Variants in ATP8A2 observed in about 807,000 individuals in gnomAD.
ATP8A2 encodes the protein ATPase phospholipid transporting 8A2, also known as phospholipid-transporting ATPase IB.
In ATP8A2, 100 loss-of-function variants were observed where a neutral mutation model predicts 165.6. The ratio of observed to expected loss-of-function variants is 0.60; its 90% CI spans 0.51 to 0.71. The LOEUF (loss-of-function observed/expected upper bound fraction) is 0.71. Ranked by LOEUF, ATP8A2 falls within the 30% of genes least tolerant of loss-of-function variation. The pLI is 0.00. For missense variants in ATP8A2, 1,227 were observed against 1,479.5 expected, an observed-to-expected ratio of 0.83 and a Z score of 2.80; for synonymous variants, 543 against 548.8, an observed-to-expected ratio of 0.99 and a Z score of 0.15.
chr13:25,812,966 A>C (rs1950915733), intron 27 of ATP8A2, among the ~76,000 whole-genome samples: 1 of 152,134 alleles, frequency 6.6e-6, no homozygotes, highest in African/African-American at 2.4e-5. Context: ...ACCCTCAGCA[A>C]ACTAACGCAG....
chr13:25,629,745 G>C (rs1161939034), intron 24 of ATP8A2, among the ~76,000 whole-genome samples: 1 of 152,138 alleles, frequency 6.6e-6, no homozygotes, highest in East Asian at 1.9e-4. Flanking sequence ...TACTGTGTTA[G>C]ATCAGCGTCG....
At chr13:25,521,064 T>C (rs1316269553) in intron 2 of ATP8A2, among the ~76,000 whole-genome samples, 2 of 152,224 alleles carry the variant, frequency 1.3e-5, no homozygotes, top group East Asian at 1.9e-4. Context: ...CCATTTACAC[T>C]GCAGTGAGAT....
chr13:25,608,024 A>G (rs2040562884), intron 24 of ATP8A2, among the ~76,000 whole-genome samples: 1 of 152,228 alleles, frequency 6.6e-6, no homozygotes, highest in African/African-American at 2.4e-5. Flanking sequence ...TCAGAGTAGG[A>G]CAAAGGAGAA....
rs562422753 is a variant in ATP8A2 at position 25,383,294 on chromosome 13, G to A, written c.76+11006G>A. 3.4e-3 allele frequency among the ~76,000 whole-genome samples: 509 copies of A among 151,180 alleles called. 3 individuals are homozygous for A. The highest frequency in any genetic ancestry group is 4.9e-3 in the Non-Finnish European group (330 of 67,638). On this transcript the variant is annotated intron_variant, in intron 1 of 36. Coordinates refer to ENST00000381655, the MANE Select transcript of ATP8A2 (RefSeq NM_016529.6). ...CTCCATTTGTATTTTTAGTAGAGAC[G>A]GCGTTTCACCATGTTGGCCAGGATG...
intron 36 of ATP8A2, among the ~76,000 whole-genome samples, chr13:26,017,783 C>T (rs1002906884): frequency 5.3e-5 from 8 of 152,172 alleles, no homozygotes; most frequent in Admixed American, 2.6e-4. Context: ...CAAGCATATC[C>T]GCCCCCAAGG....
At chr13:25,941,075 C>T (rs1955056920) in intron 33 of ATP8A2, among the ~76,000 whole-genome samples, 1 of 152,168 alleles carries the variant, frequency 6.6e-6, no homozygotes, top group Non-Finnish European at 1.5e-5. Context: ...AGCCTCTCTC[C>T]AGATCGAGAA....
At position 26,025,070 on chromosome 13, in the gene ATP8A2, A is replaced by G. The variant is rs1338082765; in HGVS notation, c.*5085A>G. ...GGAGTCTGTTGTATTCTTAAGAGAT[A>G]GCCTGATATGTGGTTTATAGGTGAA... On this transcript the variant is annotated 3_prime_UTR_variant, in exon 37 of 37. Coordinates refer to ENST00000381655, the MANE Select transcript of ATP8A2 (RefSeq NM_016529.6). The G allele has an allele frequency of 6.7e-6, 1 of 148,472 alleles. No individual in the cohort carries two copies. Among genetic ancestry groups the G allele is most frequent in the Non-Finnish European group, 1.5e-5 (1 of 67,504 alleles). The allele number at this position is 148,472 out of a possible 1,614,324, so 9.2% of individuals were successfully genotyped here. A position where few individuals can be genotyped will look rare whatever the true frequency, so the allele number is the denominator to read the frequency against.
intron 36 of ATP8A2, among the ~76,000 whole-genome samples, chr13:26,017,500 G>A (rs1415386257): frequency 6.6e-6 from 1 of 152,238 alleles, no homozygotes; most frequent in Non-Finnish European, 1.5e-5. Context: ...TTGGGGATGA[G>A]AGTGTGTGTG....
At chr13:25,721,081 G>A (rs3117853) in intron 25 of ATP8A2, among the ~76,000 whole-genome samples, 33,591 of 150,302 alleles carry the variant, frequency 0.22, 5,633 homozygotes, top group African/African-American at 0.48. Context: ...TCAGCCTCCC[G>A]AATAGCTGTG....
chr13:25,377,502 G>A (rs534592849), intron 1 of ATP8A2, among the ~76,000 whole-genome samples: 3 of 151,878 alleles, frequency 2.0e-5, no homozygotes, highest in African/African-American at 4.9e-5. Flanking sequence ...TAGATCTGTC[G>A]TAAAAGTACC....
At chr13:25,512,683 G>T (rs1261935931) in intron 2 of ATP8A2, among the ~76,000 whole-genome samples, 1 of 146,306 alleles carries the variant, frequency 6.8e-6, no homozygotes, top group African/African-American at 2.5e-5. Context: ...CCGGGCGGGG[G>T]GCTGACCCCC....
At chr13:25,978,762 A>G (rs958045670) in intron 35 of ATP8A2, among the ~76,000 whole-genome samples, 1 of 152,118 alleles carries the variant, frequency 6.6e-6, no homozygotes, top group Admixed American at 6.5e-5. Flanking sequence ...AAACACGTTA[A>G]AACCCGTCTC....
At chr13:25,925,639 A>G (rs1309315695) in intron 33 of ATP8A2, among the ~76,000 whole-genome samples, 1 of 152,142 alleles carries the variant, frequency 6.6e-6, no homozygotes, top group Non-Finnish European at 1.5e-5. Flanking sequence ...TCAAAGAACT[A>G]GTAAAGGGAA....
At chr13:25,406,663 G>T (rs1329019760) in intron 1 of ATP8A2, among the ~76,000 whole-genome samples, 1 of 152,212 alleles carries the variant, frequency 6.6e-6, no homozygotes, top group Non-Finnish European at 1.5e-5. Context: ...CAGGTGGCTG[G>T]CATGGAGACC....
chr13:25,964,519 T>C (rs1483580909), intron 34 of ATP8A2, among the ~76,000 whole-genome samples: 1 of 152,244 alleles, frequency 6.6e-6, no homozygotes, highest in African/African-American at 2.4e-5. Context: ...AGTGCTTCAC[T>C]GAGATTTCTC....
intron 33 of ATP8A2, among the ~76,000 whole-genome samples, chr13:25,948,429 A>G (rs1955266702): frequency 6.6e-6 from 1 of 152,184 alleles, no homozygotes; most frequent in African/African-American, 2.4e-5. Flanking sequence ...CAGTAGCCCT[A>G]CAAGGTATAT....
At chr13:25,848,749 C>T (rs1020863040) in intron 30 of ATP8A2, among the ~76,000 whole-genome samples, 1 of 152,100 alleles carries the variant, frequency 6.6e-6, no homozygotes, top group Non-Finnish European at 1.5e-5. Flanking sequence ...ATAAAGCAAC[C>T]TCCGATACTT....
intron 35 of ATP8A2, among the ~76,000 whole-genome samples, chr13:25,999,350 G>A (rs981195939): frequency 6.6e-6 from 1 of 152,134 alleles, no homozygotes; most frequent in African/African-American, 2.4e-5. Flanking sequence ...TTGCATCTCA[G>A]CTTTGACCTC....
At chr13:25,664,642 C>G (rs1224914356) in intron 24 of ATP8A2, among the ~76,000 whole-genome samples, 1 of 152,106 alleles carries the variant, frequency 6.6e-6, no homozygotes, top group East Asian at 1.9e-4. Flanking sequence ...TCTGATGGGT[C>G]TTGTGCATCC....
Sources: gnomAD v4.1 joint callset for allele counts (sites outside exome capture counted in the v4.1 genomes callset) on GRCh38, gnomAD v4.1.1 for gene constraint, MANE v1.5 for transcripts, NCBI Gene and HGNC (gene_info 2026-07-23, HGNC 2026-07-21) for gene names.